The following CDKAL1 variants were observed in gnomAD, a reference collection of about 807,000 sequenced individuals.
CDKAL1 encodes threonylcarbamoyladenosine tRNA methylthiotransferase.
In CDKAL1, 32 loss-of-function variants were observed where a neutral mutation model predicts 68.2. The ratio of observed to expected loss-of-function variants is 0.47; its 90% CI spans 0.35 to 0.63. CDKAL1 has a LOEUF of 0.63. Among genes scored for constraint, CDKAL1 ranks in the 30% least tolerant of loss-of-function variants. CDKAL1 has a pLI of 0.00. For synonymous variants in CDKAL1, 234 were observed against 244.3 expected (o/e 0.96, Z 0.39); for missense variants, 606 against 696.7 (o/e 0.87, Z 1.47).
At position 21,160,787 on chromosome 6, in the gene CDKAL1, G is replaced by A. The variant is rs577792764; in HGVS notation, c.1300-37234G>A. On this transcript the variant is annotated intron_variant, in intron 13 of 15. Transcript: ENST00000274695. ...ACATAGGTATACATGTGCCATGGTGGTTTGCTGCACCTGTCAACCCGTCAT... is the reference window on the plus strand; with the variant it reads ...ACATAGGTATACATGTGCCATGGTGATTTGCTGCACCTGTCAACCCGTCAT... Among the ~76,000 whole-genome samples, 275 of 151,268 alleles carry A rather than the reference G, an allele frequency of 1.8e-3. 1 individual carries two copies. The highest frequency in any genetic ancestry group is 6.8e-3 in the Middle Eastern group (2 of 294).
intron 8 of CDKAL1, among the ~76,000 whole-genome samples, chr6:20,815,233 G>A (rs1320843530): frequency 6.6e-6 from 1 of 152,092 alleles, no homozygotes; most frequent in Non-Finnish European, 1.5e-5. Context: ...TTTTTTGTCA[G>A]ATTTCAGAAT....
chr6:20,555,865 G>T (rs969930781), intron 4 of CDKAL1, among the ~76,000 whole-genome samples: 1 of 146,264 alleles, frequency 6.8e-6, no homozygotes. Flanking sequence ...CTCGTGATCC[G>T]CCCGCCTCGG....
chr6:20,831,323 G>A (rs1382740167), intron 8 of CDKAL1, among the ~76,000 whole-genome samples: 2 of 152,156 alleles, frequency 1.3e-5, no homozygotes, highest in Non-Finnish European at 1.5e-5. Context: ...GCAGTTGGTT[G>A]GCAAGAGGTC....
intron 2 of CDKAL1, among the ~76,000 whole-genome samples, chr6:20,545,373 T>C (rs1363259457): frequency 6.6e-6 from 1 of 152,164 alleles, no homozygotes; most frequent in East Asian, 1.9e-4. Flanking sequence ...TATAGGATAA[T>C]GAACATGAAC....
chr6:21,194,973 A>G (rs766581244), intron 13 of CDKAL1, among the ~76,000 whole-genome samples: 8 of 152,054 alleles, frequency 5.3e-5, no homozygotes, highest in African/African-American at 1.4e-4. Flanking sequence ...ATAGGTTCTC[A>G]CTCTGTTGCC....
intron 9 of CDKAL1, among the ~76,000 whole-genome samples, chr6:20,935,776 C>T (rs149516958): frequency 6.6e-6 from 1 of 152,286 alleles, no homozygotes; most frequent in African/African-American, 2.4e-5. Flanking sequence ...TGCTACATAG[C>T]CCAGGCTGGT....
Position 21,065,213 on chromosome 6 carries a change from A to T in CDKAL1, c.1221A>T (p.Gln407His). The T allele has an allele frequency of 6.2e-7, 1 of 1,608,400 alleles. No homozygotes were observed. The highest frequency in any genetic ancestry group is 8.5e-7 in the Non-Finnish European group (1 of 1,178,258). The change falls in exon 12 of 16, where the codon CAA becomes CAT. Residue 407 changes from glutamine to histidine, a missense_variant. Gln to His is a conservative substitution (Grantham distance 24). Transcript: ENST00000274695. The part of the protein sequence containing the change: ...RPGTPAAKME[Q>H]VPAQVKKQRT... ...GAACTCCTGCTGCAAAAATGGAACA[A>T]GTTCCAGCACAAGTGGTAAGATCTT...
chr6:20,719,899 A>G (rs1025519158), intron 5 of CDKAL1, among the ~76,000 whole-genome samples: 3 of 152,170 alleles, frequency 2.0e-5, no homozygotes, highest in Non-Finnish European at 4.4e-5. Flanking sequence ...TAGATAATAA[A>G]GTTAAATCTT....
At chr6:21,120,739 A>T (rs948090415) in intron 13 of CDKAL1, among the ~76,000 whole-genome samples, 1 of 152,238 alleles carries the variant, frequency 6.6e-6, no homozygotes, top group Non-Finnish European at 1.5e-5. Context: ...ACTTTACAGT[A>T]TATCTTGGAG....
intron 5 of CDKAL1, among the ~76,000 whole-genome samples, chr6:20,682,533 G>C (rs1770426420): frequency 6.7e-6 from 1 of 150,122 alleles, no homozygotes; most frequent in African/African-American, 2.4e-5. Flanking sequence ...GGAGATGGGA[G>C]TGCTACACAC....
At chr6:20,811,428 G>GTTT (rs1776811745) in intron 8 of CDKAL1, among the ~76,000 whole-genome samples, 2 of 152,148 alleles carry the variant, frequency 1.3e-5, no homozygotes, top group African/African-American at 4.8e-5. Flanking sequence ...TGTGTCTTAA[G>GTTT]TATCTTTTTG....
Position 20,652,390 on chromosome 6 carries a change from G to A in CDKAL1, c.371+3013G>A, listed in dbSNP as rs138590333. On this transcript the variant is annotated intron_variant, in intron 5 of 15. Coordinates refer to ENST00000274695, the MANE Select transcript of CDKAL1 (RefSeq NM_017774.3). ...TTCAACGGAATTGCACTTTGTTGAA[G>A]GGAGGTGGGCATATTAAGTCCTTGC... is the stretch of plus-strand genomic sequence containing the variant. Among the ~76,000 whole-genome samples the A allele has an allele frequency of 2.6e-3, 395 of 152,286 alleles. 5 individuals are homozygous for A. The highest frequency in any genetic ancestry group is 8.9e-3 in the African/African-American group (368 of 41,562).
At chr6:20,659,234 A>T (rs1357221182) in intron 5 of CDKAL1, among the ~76,000 whole-genome samples, 1 of 152,210 alleles carries the variant, frequency 6.6e-6, no homozygotes, top group Non-Finnish European at 1.5e-5. Context: ...AGATGATGCA[A>T]GTTATTTGAG....
intron 10 of CDKAL1, among the ~76,000 whole-genome samples, chr6:20,961,542 T>C (rs1311751169): frequency 6.6e-6 from 1 of 151,654 alleles, no homozygotes; most frequent in African/African-American, 2.4e-5. Flanking sequence ...CCGAGGCGGG[T>C]GGATCACGAG....
intron 5 of CDKAL1, among the ~76,000 whole-genome samples, chr6:20,657,770 G>C (rs1208542550): frequency 6.6e-6 from 1 of 152,154 alleles, no homozygotes; most frequent in Non-Finnish European, 1.5e-5. Flanking sequence ...TGATAAAAGA[G>C]TAAGAATTTT....
At chr6:20,607,390 A>G (rs543765960) in intron 4 of CDKAL1, among the ~76,000 whole-genome samples, 2 of 152,344 alleles carry the variant, frequency 1.3e-5, no homozygotes, top group South Asian at 4.1e-4. Flanking sequence ...AATTATTCAT[A>G]GACTATCATA....
At chr6:21,061,485 T>A (rs974633862) in intron 11 of CDKAL1, among the ~76,000 whole-genome samples, 2 of 152,130 alleles carry the variant, frequency 1.3e-5, no homozygotes, top group Non-Finnish European at 2.9e-5. Flanking sequence ...ATGATTATTT[T>A]AAAAATTTTA....
At chr6:21,200,094 T>C (rs1778629084) in intron 14 of CDKAL1, among the ~76,000 whole-genome samples, 1 of 152,258 alleles carries the variant, frequency 6.6e-6, no homozygotes, top group Non-Finnish European at 1.5e-5. Flanking sequence ...GGATTAGAAC[T>C]GGTCTATTTA....
chr6:20,810,392 T>TCACACACACA (rs59104508), intron 8 of CDKAL1, among the ~76,000 whole-genome samples: 18 of 115,648 alleles, frequency 1.6e-4, no homozygotes, highest in Non-Finnish European at 2.3e-4. Context: ...TCTCTCTCTG[T>TCACACACACA]CACACACACA....
Sources: gnomAD v4.1 joint callset for allele counts (sites outside exome capture counted in the v4.1 genomes callset) on GRCh38, gnomAD v4.1.1 for gene constraint, MANE v1.5 for transcripts, NCBI Gene and HGNC (gene_info 2026-07-23, HGNC 2026-07-21) for gene names.